UVSSA: variants seen among roughly 807,000 people sequenced by gnomAD.
The protein encoded by UVSSA is UV-stimulated scaffold protein A.
UVSSA carries 72 observed loss-of-function variants against 73.9 expected under a neutral mutation model. The observed-to-expected ratio is 0.97, with a 90% CI of 0.81 to 1.19. The LOEUF (loss-of-function observed/expected upper bound fraction) is 1.19. UVSSA is among the 50% of genes most tolerant of loss of function. The pLI is 0.00. For synonymous variants in UVSSA, 454 were observed against 391.3 expected (o/e 1.16, Z -1.89); for missense variants, 1,150 against 965.0 (o/e 1.19, Z -2.54).
downstream of UVSSA, chr4:1,389,179 A>G (rs995250118): frequency 8.5e-5 from 13 of 152,076 alleles, no homozygotes; most frequent in African/African-American, 3.1e-4. Context: ...CTGTTCATAT[A>G]TAATGGTTCA....
Position 1,355,247 on chromosome 4 carries a change from T to C in UVSSA, c.1176+2T>C. ...CCTGAGGGAGGGGAAAGGCGCAGGG[T>C]GAGTGGGCAGGCGGCGAGCGGGAAG... On this transcript the variant is annotated splice_donor_variant, in intron 7 of 13. Coordinates refer to ENST00000389851, the MANE Select transcript of UVSSA (RefSeq NM_020894.4). LOFTEE classifies it high-confidence loss of function. The C allele has an allele frequency of 1.9e-6, 3 of 1,595,576 alleles. No homozygotes were observed. Among genetic ancestry groups the C allele is most frequent in the Middle Eastern group, 1.7e-4 (1 of 6,008 alleles).
upstream of UVSSA, among the ~76,000 whole-genome samples, chr4:1,343,277 CAT>C (rs1713497156): frequency 6.6e-6 from 1 of 152,176 alleles, no homozygotes; most frequent in Non-Finnish European, 1.5e-5. Context: ...TGTGCACACA[CAT>C]CTCAGGAGTC....
At chr4:1,380,613 A>G (rs1719365979) in intron 11 of UVSSA, 4 of 1,496,362 alleles carry the variant, frequency 2.7e-6, no homozygotes, top group African/African-American at 2.8e-5. Context: ...GGGGGTCGCT[A>G]TGGCCATGCT....
intron 7 of UVSSA, chr4:1,358,978 G>C (rs755116502): frequency 6.6e-6 from 1 of 152,268 alleles, no homozygotes; most frequent in African/African-American, 2.4e-5. Flanking sequence ...GCCCGTCCTC[G>C]TGCTGTCTCC....
At chr4:1,357,747 C>A (rs1016093682) in intron 7 of UVSSA, among the ~76,000 whole-genome samples, 1 of 152,254 alleles carries the variant, frequency 6.6e-6, no homozygotes, top group Non-Finnish European at 1.5e-5. Context: ...CTCAGGAGTG[C>A]TGGCCTCCCA....
chr4:1,353,441 C>T (rs753791967), intron 5 of UVSSA, 28 bp downstream of exon 5: 99 of 1,452,820 alleles, frequency 6.8e-5, no homozygotes, highest in East Asian at 1.8e-4. Flanking sequence ...GTCTCTGTGG[C>T]GCCACCCTGC....
At chr4:1,349,021 G>C (rs1037370525) in intron 2 of UVSSA, among the ~76,000 whole-genome samples, 4 of 76,404 alleles carry the variant, frequency 5.2e-5, no homozygotes, top group Non-Finnish European at 9.7e-5. Flanking sequence ...GGCGGTGTGC[G>C]GTTTGTGCCA....
At chr4:1,372,808 GCGTCTCAGGGCACT>G (rs1718267987) in intron 8 of UVSSA, among the ~76,000 whole-genome samples, 5 of 54,696 alleles carry the variant, frequency 9.1e-5, no homozygotes, top group African/African-American at 3.5e-4. Flanking sequence ...CTCACCTCCC[GCGTCTCAGGGCACT>G]CACCTCCCGC....
upstream of UVSSA, among the ~76,000 whole-genome samples, chr4:1,342,451 G>A (rs553154063): frequency 1.3e-5 from 2 of 152,186 alleles, no homozygotes; most frequent in Non-Finnish European, 2.9e-5. Flanking sequence ...ATCCTTTGAG[G>A]GATATGTGTA....
chr4:1,395,571 C>G, exon 14 of UVSSA: 8 of 1,601,590 alleles, frequency 5.0e-6, no homozygotes, highest in Non-Finnish European at 6.8e-6. Flanking sequence ...TGCCCGCCTG[C>G]TCACACGTGC....
upstream of UVSSA, among the ~76,000 whole-genome samples, chr4:1,346,390 C>T (rs973844400): frequency 6.6e-6 from 1 of 152,202 alleles, no homozygotes; most frequent in African/African-American, 2.4e-5. Flanking sequence ...CCACACCACG[C>T]TCCTCCGAAG....
At chr4:1,377,257 C>T (rs969877964) in intron 10 of UVSSA, among the ~76,000 whole-genome samples, 4 of 152,198 alleles carry the variant, frequency 2.6e-5, no homozygotes, top group South Asian at 4.1e-4. Flanking sequence ...AGTGCCGGGA[C>T]GTCCTGGCAC....
chr4:1,382,987 G>C (rs773187467), intron 12 of UVSSA, among the ~76,000 whole-genome samples: 3 of 152,236 alleles, frequency 2.0e-5, no homozygotes, highest in Non-Finnish European at 4.4e-5. Flanking sequence ...CACCACACCT[G>C]GTGGAGGCCC....
At chr4:1,375,646 G>A in intron 9 of UVSSA, 138 bp downstream of exon 9, 3 of 1,362,390 alleles carry the variant, frequency 2.2e-6, no homozygotes, top group South Asian at 2.9e-5. Flanking sequence ...TGTACCCCCG[G>A]CCGGGTGAGC....
chr4:1,355,276 T>G, intron 7 of UVSSA, 31 bp downstream of exon 7: 9 of 1,439,892 alleles, frequency 6.3e-6, no homozygotes, highest in East Asian at 2.5e-5. Flanking sequence ...CGGGAAGGGG[T>G]CCCAGAGGCC....
In UVSSA at chr4:1,386,563, A is replaced by C. The variant is rs1720132004; in HGVS notation, c.*602A>C. The stretch of plus-strand genomic sequence containing the variant: ...GGAGGTGAAAACCTGTCCATGCGGA[A>C]GCTTGTGCACCCATGTTCACAGCAG... On this transcript the variant is annotated 3_prime_UTR_variant, in exon 14 of 14. Coordinates refer to ENST00000389851, the MANE Select transcript of UVSSA (RefSeq NM_020894.4). 1 of 153,124 alleles carries C rather than the reference A, an allele frequency of 6.5e-6. No homozygotes were observed. Among genetic ancestry groups the C allele is most frequent in the African/African-American group, 2.4e-5 (1 of 41,464 alleles). The allele number at this position is 153,124 out of a possible 1,614,324, so 9.5% of individuals were successfully genotyped here. A position where few individuals can be genotyped will look rare whatever the true frequency, so the allele number is the denominator to read the frequency against.
At position 1,376,150 on chromosome 4, in the gene UVSSA, C is replaced by T. The variant is rs770420822; in HGVS notation, c.1550C>T (p.Thr517Ile). Residue 517 changes from threonine to isoleucine, a missense_variant, in exon 10 of 14, where the codon ACA becomes ATA. Coordinates refer to ENST00000389851, the MANE Select transcript of UVSSA (RefSeq NM_020894.4). ...DLHYWGQELP[T>I]AGKIVKSDSQ... ...CACTACTGGGGCCAGGAGCTCCCCACAGCCGGGAAGATTGTCAAGTGAGTC... is the reference window on the plus strand; with the variant it reads ...CACTACTGGGGCCAGGAGCTCCCCATAGCCGGGAAGATTGTCAAGTGAGTC... 15 of 1,610,374 alleles carry T rather than the reference C, an allele frequency of 9.3e-6. No individual in the cohort carries two copies. In the South Asian group the frequency reaches 9.9e-5, roughly 11 times the overall value.
At chr4:1,346,029 G>C (rs1038592614), upstream of UVSSA, among the ~76,000 whole-genome samples, 4 of 152,090 alleles carry the variant, frequency 2.6e-5, no homozygotes, top group Non-Finnish European at 4.4e-5. Context: ...GTGAGGAAGG[G>C]GTGAGGCGGA....
exon 14 of UVSSA, chr4:1,395,830 C>T (rs929181219): frequency 2.1e-5 from 34 of 1,613,718 alleles, no homozygotes; most frequent in Non-Finnish European, 2.8e-5. Flanking sequence ...TTTTATATTT[C>T]TCTGCACCTC....
Sources: allele counts gnomAD v4.1 joint callset (sites outside exome capture counted in the v4.1 genomes callset), GRCh38; gene constraint gnomAD v4.1.1; transcripts MANE v1.5; gene names NCBI Gene and HGNC (gene_info 2026-07-23, HGNC 2026-07-21).